CSMD3: variants seen among roughly 807,000 people sequenced by gnomAD.
The protein encoded by CSMD3 is CUB and sushi domain-containing protein 3.
Under a neutral mutation model 435.2 loss-of-function variants are expected in CSMD3, and 177 were observed. The ratio of observed to expected loss-of-function variants is 0.41; its 90% confidence interval spans 0.36 to 0.46. CSMD3 has a LOEUF of 0.46. Ranked by LOEUF, CSMD3 falls within the 20% of genes least tolerant of loss-of-function variation. The pLI is 0.34. For missense variants in CSMD3, 4,265 were observed against 4,504.6 expected (o/e 0.95, Z 1.52); for synonymous variants, 1,656 against 1,520.5 (o/e 1.09, Z -2.07).
At chr8:112,312,097 C>CT in intron 49 of CSMD3, among the ~76,000 whole-genome samples, 1 of 152,122 alleles carries the variant, frequency 6.6e-6, no homozygotes, top group East Asian at 1.9e-4. Context: ...GAATAGTTTC[C>CT]TTTTATGTTA....
At position 112,287,183 on chromosome 8, in the gene CSMD3, T is replaced by C. The variant is rs995846235; in HGVS notation, c.9212A>G (p.Asn3071Ser). ...ACGTACAGTACTTTTAGTTCTGAAA[T>C]TGCTTTCCTGTCTAGAGCCATGGCC... ...TPGHGSRQES[N>S]FRTKSTVRYA... Residue 3071 changes from asparagine to serine, a missense_variant, in exon 58 of 71, where the codon AAT (asparagine) becomes AGT (serine). By Grantham distance (46) the Asn-to-Ser change is conservative (BLOSUM62 1). Transcript: ENST00000297405. The C allele has an allele frequency of 3.7e-6, 6 of 1,613,776 alleles. No individual in the cohort carries two copies. The highest frequency in any genetic ancestry group is 1.7e-5 in the Admixed American group (1 of 59,870).
intron 70 of CSMD3, among the ~76,000 whole-genome samples, chr8:112,228,048 T>C (rs182557367): frequency 1.3e-5 from 2 of 151,558 alleles, no homozygotes; most frequent in African/African-American, 2.4e-5. Flanking sequence ...TCTCAAAAAA[T>C]ATATATATAT....
At chr8:112,238,194 C>G (rs1482826117) in intron 66 of CSMD3, among the ~76,000 whole-genome samples, 3 of 136,786 alleles carry the variant, frequency 2.2e-5, no homozygotes, top group Admixed American at 1.5e-4. Context: ...ACAGCACATC[C>G]CTAGAAATCA....
chr8:112,708,270 A>G (rs551975439), intron 13 of CSMD3, among the ~76,000 whole-genome samples: 4 of 152,236 alleles, frequency 2.6e-5, no homozygotes, highest in Admixed American at 2.0e-4. Context: ...GTTTGAAAGG[A>G]AAAAGCTTTC....
chr8:112,827,160 CATAAATATATATATATAT>C (rs1381938416), intron 12 of CSMD3, among the ~76,000 whole-genome samples: 847 of 38,704 alleles, frequency 0.022, 57 homozygotes, highest in East Asian at 0.084. Context: ...ACTAGGTTAC[CATAAATATATATATATAT>C]ATATATATAT....
chr8:112,434,021 T>C (rs2130429332), intron 32 of CSMD3, among the ~76,000 whole-genome samples: 1 of 152,162 alleles, frequency 6.6e-6, no homozygotes, highest in Non-Finnish European at 1.5e-5. Context: ...ATTGGGTAGG[T>C]TTTCAAATAT....
Position 112,599,038 on chromosome 8 carries a change from G to A in CSMD3, c.3716-11803C>T, listed in dbSNP as rs1196383316. ...ACAAATGGGATCTAATTAAACTAAAGAGCTTCTGCACAGCAAAAGAAACTA... is the reference window on the plus strand; with the variant it reads ...ACAAATGGGATCTAATTAAACTAAAAAGCTTCTGCACAGCAAAAGAAACTA... On this transcript the variant is annotated intron_variant, in intron 22 of 70. Coordinates refer to ENST00000297405, the MANE Select transcript of CSMD3 (RefSeq NM_198123.2). Among the ~76,000 whole-genome samples, 35 of 149,018 alleles carry A rather than the reference G, an allele frequency of 2.3e-4. No individual in the cohort carries two copies. In the East Asian group the frequency reaches 6.8e-3, roughly 29 times the overall value.
chr8:112,409,906 T>C (rs1299191816), intron 32 of CSMD3, among the ~76,000 whole-genome samples: 2 of 151,908 alleles, frequency 1.3e-5, no homozygotes, highest in Non-Finnish European at 2.9e-5. Flanking sequence ...ATTGGTAAAA[T>C]TGTGGGGTTT....
chr8:112,354,570 G>A (rs554236297), intron 38 of CSMD3, among the ~76,000 whole-genome samples: 3 of 152,120 alleles, frequency 2.0e-5, no homozygotes, highest in Admixed American at 6.6e-5. Flanking sequence ...CAGGCTGACA[G>A]TCAAATTAAG....
At chr8:112,484,319 T>C (rs1819912306) in intron 31 of CSMD3, among the ~76,000 whole-genome samples, 1 of 152,108 alleles carries the variant, frequency 6.6e-6, no homozygotes, top group South Asian at 2.1e-4. Flanking sequence ...CAGTAGAAAT[T>C]ATAGATTTTT....
At chr8:112,515,333 C>G (rs1008648944) in intron 28 of CSMD3, among the ~76,000 whole-genome samples, 5 of 152,118 alleles carry the variant, frequency 3.3e-5, no homozygotes, top group African/African-American at 9.6e-5. Flanking sequence ...ATAATTTATT[C>G]TTTACATAAA....
intron 1 of CSMD3, among the ~76,000 whole-genome samples, chr8:113,432,308 A>G (rs1311378684): frequency 2.6e-5 from 4 of 151,996 alleles, no homozygotes; most frequent in African/African-American, 9.7e-5. Context: ...CGGTGGTGCA[A>G]AGCCTCCCCA....
intron 4 of CSMD3, among the ~76,000 whole-genome samples, chr8:113,136,294 A>C (rs2091417136): frequency 6.6e-6 from 1 of 151,546 alleles, no homozygotes; most frequent in Non-Finnish European, 1.5e-5. Context: ...CCTATTGAGC[A>C]TTTGAACTGT....
chr8:113,171,029 C>G (rs745929845), intron 4 of CSMD3, among the ~76,000 whole-genome samples: 1 of 151,112 alleles, frequency 6.6e-6, no homozygotes, highest in African/African-American at 2.4e-5. Context: ...GCAATAGAAG[C>G]ATTGGTTTTA....
chr8:112,978,636 G>A (rs1161347811), intron 6 of CSMD3, among the ~76,000 whole-genome samples: 1 of 151,938 alleles, frequency 6.6e-6, no homozygotes, highest in Non-Finnish European at 1.5e-5. Context: ...AGTGTTTAAG[G>A]TTGAAATAAA....
intron 10 of CSMD3, among the ~76,000 whole-genome samples, chr8:112,879,768 C>A (rs186002075): frequency 6.6e-6 from 1 of 152,002 alleles, no homozygotes; most frequent in African/African-American, 2.4e-5. Context: ...CCCCTGAGAG[C>A]TGGGACATCA....
At chr8:112,630,442 A>T (rs2131554052) in intron 22 of CSMD3, among the ~76,000 whole-genome samples, 1 of 152,254 alleles carries the variant, frequency 6.6e-6, no homozygotes, top group East Asian at 1.9e-4. Flanking sequence ...TCACATTATA[A>T]AATGGAATGA....
At chr8:112,602,731 AAAGT>A (rs1832464679) in intron 22 of CSMD3, among the ~76,000 whole-genome samples, 1 of 151,874 alleles carries the variant, frequency 6.6e-6, no homozygotes, top group South Asian at 2.1e-4. Flanking sequence ...TTCTTACAAT[AAAGT>A]AAGCTAGAGC....
intron 61 of CSMD3, among the ~76,000 whole-genome samples, chr8:112,258,855 C>A (rs1195622760): frequency 6.6e-6 from 1 of 151,994 alleles, no homozygotes; most frequent in Non-Finnish European, 1.5e-5. Context: ...CTGGCTGACA[C>A]GGTGAAACCC....
Sources: allele counts gnomAD v4.1 joint callset (sites outside exome capture counted in the v4.1 genomes callset), GRCh38; gene constraint gnomAD v4.1.1; transcripts MANE v1.5; gene names NCBI Gene and HGNC (gene_info 2026-07-23, HGNC 2026-07-21).